Variants in FHOD3 observed in about 807,000 individuals in gnomAD.
FHOD3 encodes the protein FH1/FH2 domain-containing protein 3.
Under a neutral mutation model 173.0 loss-of-function variants are expected in FHOD3, and 90 were observed. The ratio of observed to expected loss-of-function variants is 0.52; its 90% CI spans 0.44 to 0.62. The LOEUF (loss-of-function observed/expected upper bound fraction) is 0.62. Among genes scored for constraint, FHOD3 ranks in the 20% least tolerant of loss-of-function variants. FHOD3 has a pLI of 0.00. For missense variants in FHOD3, 1,945 were observed against 2,034.7 expected (o/e 0.96, Z 0.85); for synonymous variants, 828 against 823.0 (o/e 1.01, Z -0.10).
At chr18:36,429,293 T>C (rs2050407212) in intron 3 of FHOD3, among the ~76,000 whole-genome samples, 1 of 152,182 alleles carries the variant, frequency 6.6e-6, no homozygotes, top group Admixed American at 6.5e-5. Flanking sequence ...TATAATATGA[T>C]TGCTGCCAGT....
intron 24 of FHOD3, among the ~76,000 whole-genome samples, chr18:36,752,354 G>C (rs1423677482): frequency 6.6e-6 from 1 of 152,160 alleles, no homozygotes; most frequent in African/African-American, 2.4e-5. Flanking sequence ...TAAACACCAA[G>C]ACTGGTGTGC....
At chr18:36,621,685 G>A (rs2033723351) in intron 9 of FHOD3, among the ~76,000 whole-genome samples, 1 of 152,194 alleles carries the variant, frequency 6.6e-6, no homozygotes, top group Non-Finnish European at 1.5e-5. Flanking sequence ...AAGCCACATT[G>A]TTGAGCTTTC....
At chr18:36,711,681 A>G (rs1313046861) in intron 18 of FHOD3, among the ~76,000 whole-genome samples, 1 of 152,224 alleles carries the variant, frequency 6.6e-6, no homozygotes, top group African/African-American at 2.4e-5. Flanking sequence ...TGAGAATACC[A>G]GAATAATCAG....
intron 28 of FHOD3, among the ~76,000 whole-genome samples, chr18:36,771,767 G>A (rs959128367): frequency 6.6e-6 from 1 of 152,212 alleles, no homozygotes; most frequent in East Asian, 1.9e-4. Flanking sequence ...ATGGAGAGGT[G>A]GGCCAAGGGA....
chr18:36,332,405 T>G lies in FHOD3; in HGVS notation c.166-23134T>G, dbSNP rs375041290. 3.0e-3 allele frequency among the ~76,000 whole-genome samples: 452 copies of G among 152,306 alleles called. 5 individuals are homozygous for G. Among genetic ancestry groups the G allele is most frequent in the African/African-American group, 0.01 (432 of 41,568 alleles). ...ACAGAGGCCTAGAGGGAAGGAGACA[T>G]GATTCTCTCTCACAGGCCTGCTAAC... On this transcript the variant is annotated intron_variant, in intron 1 of 28. Transcript: ENST00000590592.
chr18:36,519,577 A>G (rs1458439768), intron 5 of FHOD3, among the ~76,000 whole-genome samples: 1 of 152,196 alleles, frequency 6.6e-6, no homozygotes, highest in Admixed American at 6.5e-5. Context: ...GATGGCTGTC[A>G]GCCCCCAGCA....
chr18:36,501,619 T>C (rs2146037186), intron 3 of FHOD3, among the ~76,000 whole-genome samples: 1 of 152,084 alleles, frequency 6.6e-6, no homozygotes, highest in African/African-American at 2.4e-5. Flanking sequence ...GGGTGGGAGA[T>C]GAGGGTGAAA....
chr18:36,308,664 G>A (rs1220961233), intron 1 of FHOD3, among the ~76,000 whole-genome samples: 1 of 152,178 alleles, frequency 6.6e-6, no homozygotes, highest in Admixed American at 6.5e-5. Flanking sequence ...TCCTGTGGCT[G>A]CGTCCCTCCA....
At chr18:36,664,209 T>C (rs1026356378) in intron 14 of FHOD3, among the ~76,000 whole-genome samples, 1 of 152,188 alleles carries the variant, frequency 6.6e-6, no homozygotes, top group African/African-American at 2.4e-5. Flanking sequence ...AAATCCCAAA[T>C]AGAATGTAAA....
intron 3 of FHOD3, among the ~76,000 whole-genome samples, chr18:36,469,244 A>T (rs183485438): frequency 6.6e-6 from 1 of 152,316 alleles, no homozygotes; most frequent in Non-Finnish European, 1.5e-5. Flanking sequence ...TCAGGGCCAG[A>T]TGATTACTGT....
At chr18:36,342,659 G>T (rs1310837865) in intron 1 of FHOD3, among the ~76,000 whole-genome samples, 2 of 152,146 alleles carry the variant, frequency 1.3e-5, no homozygotes, top group Admixed American at 6.5e-5. Flanking sequence ...CAAAGAACAA[G>T]AGAAAATAGG....
chr18:36,546,853 G>T (rs945632357), intron 5 of FHOD3, among the ~76,000 whole-genome samples: 2 of 152,082 alleles, frequency 1.3e-5, no homozygotes, highest in East Asian at 3.9e-4. Flanking sequence ...GCTTCTTTAC[G>T]GTCTCCTATG....
chr18:36,451,973 A>C lies in FHOD3; in HGVS notation c.338-49959A>C, dbSNP rs569934051. On this transcript the variant is annotated intron_variant, in intron 3 of 28. Transcript: ENST00000590592. ...TTCCTGCATGTGGCTCCTTTTTTTC[A>C]AATTTGTCCACTTTTGTACCCCCTT... Among the ~76,000 whole-genome samples the C allele has an allele frequency of 7.3e-5, 11 of 151,386 alleles. No individual in the cohort carries two copies. In the South Asian group the frequency reaches 2.3e-3, roughly 31 times the overall value.
chr18:36,704,824 C>T (rs1429193257), intron 17 of FHOD3, among the ~76,000 whole-genome samples: 1 of 152,212 alleles, frequency 6.6e-6, no homozygotes, highest in Admixed American at 6.5e-5. Context: ...ACTCCCTGCC[C>T]CGCTCCGGTG....
chr18:36,613,301 G>A (rs897823959), intron 9 of FHOD3, among the ~76,000 whole-genome samples: 5 of 152,240 alleles, frequency 3.3e-5, no homozygotes, highest in African/African-American at 9.6e-5. Flanking sequence ...CCGTGACGCC[G>A]GTTCTGCTTT....
Position 36,602,720 on chromosome 18 carries a change from T to C in FHOD3, c.765T>C (p.Asp255=). The C allele has an allele frequency of 6.2e-7, 1 of 1,614,194 alleles. No homozygotes were observed. The highest frequency in any genetic ancestry group is 8.5e-7 in the Non-Finnish European group (1 of 1,180,036). The part of the protein sequence containing the change: ...SNIMEILEEK[D]GVDTELLVYA... Reference sequence around the variant, plus strand: ...TCATGGAAATCCTGGAGGAAAAAGATGGAGTTGATACGGAGCTACTGGTTT... The same window carrying C: ...TCATGGAAATCCTGGAGGAAAAAGACGGAGTTGATACGGAGCTACTGGTTT... Residue 255 remains aspartate, a synonymous_variant, in exon 8 of 29, where the codon GAT becomes GAC. Transcript: ENST00000590592.
intron 11 of FHOD3, among the ~76,000 whole-genome samples, chr18:36,650,933 C>A (rs2036007068): frequency 1.3e-5 from 2 of 152,180 alleles, no homozygotes; most frequent in African/African-American, 4.8e-5. Flanking sequence ...TTACCAGAGA[C>A]CATTAGGCTT....
At chr18:36,542,514 T>C (rs1220843177) in intron 5 of FHOD3, among the ~76,000 whole-genome samples, 1 of 152,204 alleles carries the variant, frequency 6.6e-6, no homozygotes, top group Non-Finnish European at 1.5e-5. Flanking sequence ...GTTTCTTGGC[T>C]CCAGCATTTA....
intron 9 of FHOD3, among the ~76,000 whole-genome samples, chr18:36,615,342 T>G (rs1030946889): frequency 1.3e-5 from 2 of 152,182 alleles, no homozygotes; most frequent in African/African-American, 2.4e-5. Context: ...AAAGATAATA[T>G]ATACTCATTG....
Sources: gnomAD v4.1 joint callset for allele counts (sites outside exome capture counted in the v4.1 genomes callset) on GRCh38, gnomAD v4.1.1 for gene constraint, MANE v1.5 for transcripts, NCBI Gene and HGNC (gene_info 2026-07-23, HGNC 2026-07-21) for gene names.